The following YPEL2 variants were observed in gnomAD, a reference collection of about 807,000 sequenced individuals.
YPEL2 encodes the protein protein yippee-like 2.
Under a neutral mutation model 19.1 loss-of-function variants are expected in YPEL2, and 2 were observed. The observed-to-expected ratio is 0.10, with a 90% CI of 0.04 to 0.33. The LOEUF (loss-of-function observed/expected upper bound fraction) is 0.33, where lower values mean the gene tolerates loss of function less well. Ranked by LOEUF, YPEL2 falls within the 10% of genes least tolerant of loss-of-function variation. The pLI is 1.00. For missense variants in YPEL2, 66 were observed against 140.7 expected (o/e 0.47, Z 2.68); for synonymous variants, 52 against 50.0 (o/e 1.04, Z -0.17).
At chr17:59,396,451 G>A (rs898434836) in intron 4 of YPEL2, among the ~76,000 whole-genome samples, 14 of 152,370 alleles carry the variant, frequency 9.2e-5, no homozygotes, top group Middle Eastern at 3.4e-3. Flanking sequence ...GGTTGGGGCA[G>A]AAGGGAGAAA....
intron 2 of YPEL2, chr17:59,356,024 C>T (rs2047811100): frequency 1.3e-5 from 2 of 152,194 alleles, no homozygotes; most frequent in Admixed American, 6.5e-5. Context: ...GATTCTTATG[C>T]AGGTCTGCCT....
intron 1 of YPEL2, among the ~76,000 whole-genome samples, chr17:59,340,896 G>C (rs183213245): frequency 6.6e-6 from 1 of 150,524 alleles, no homozygotes; most frequent in Non-Finnish European, 1.5e-5. Flanking sequence ...TGTATTTTTA[G>C]TAGAGACGGG....
rs1370842797 is a variant in YPEL2 at position 59,400,861 on chromosome 17, T to G, written c.*3671T>G. On this transcript the variant is annotated 3_prime_UTR_variant, in exon 5 of 5. Coordinates refer to ENST00000312655, the MANE Select transcript of YPEL2 (RefSeq NM_001005404.4). The stretch of plus-strand genomic sequence containing the variant: ...AAGTTTTTCTTCTCTTTCTCTCTGG[T>G]TGTTTCTGTTTCTGAGTGGACCAAC... 6.6e-6 allele frequency: 1 copy of G among 152,670 alleles called. No homozygotes were observed. The highest frequency in any genetic ancestry group is 1.9e-4 in the East Asian group (1 of 5,200). 9.5% of individuals were successfully genotyped at this position (152,670 alleles called of 1,614,324 possible).
chr17:59,354,366 T>TA, intron 2 of YPEL2: 1 of 151,728 alleles, frequency 6.6e-6, no homozygotes, highest in African/African-American at 2.4e-5. Flanking sequence ...TTCACGCCAT[T>TA]AAAGTAAAAA....
chr17:59,343,137 C>G (rs1044427939), intron 1 of YPEL2, among the ~76,000 whole-genome samples: 3 of 152,176 alleles, frequency 2.0e-5, no homozygotes, highest in Non-Finnish European at 2.9e-5. Flanking sequence ...CAAGAGTTTA[C>G]TGGCTTTTTA....
At chr17:59,337,242 C>A (rs2047703854) in intron 1 of YPEL2, among the ~76,000 whole-genome samples, 1 of 144,722 alleles carries the variant, frequency 6.9e-6, no homozygotes, top group Non-Finnish European at 1.5e-5. Flanking sequence ...GGCGGGAGTG[C>A]AGTGGTGCAA....
intron 1 of YPEL2, among the ~76,000 whole-genome samples, chr17:59,348,488 C>A (rs1044963267): frequency 6.6e-6 from 1 of 152,186 alleles, no homozygotes; most frequent in Admixed American, 6.5e-5. Context: ...GCCGGGGAGG[C>A]GGCATGGGGT....
intron 2 of YPEL2, among the ~76,000 whole-genome samples, chr17:59,387,206 CCAAGATCGCG>C (rs1250022264): frequency 7.0e-6 from 1 of 142,722 alleles, no homozygotes; most frequent in Non-Finnish European, 1.5e-5. Flanking sequence ...GTGCAGTGAG[CCAAGATCGCG>C]CAACTGCACT....
intron 4 of YPEL2, among the ~76,000 whole-genome samples, chr17:59,396,362 CAG>C (rs1315647277): frequency 2.0e-5 from 3 of 152,120 alleles, no homozygotes; most frequent in African/African-American, 7.2e-5. Context: ...TCATGGGAGA[CAG>C]AGCATAAACA....
chr17:59,366,508 T>G (rs534871486), intron 2 of YPEL2, among the ~76,000 whole-genome samples: 1 of 152,312 alleles, frequency 6.6e-6, no homozygotes, highest in African/African-American at 2.4e-5. Context: ...TGATGGTCCC[T>G]GTCCTCCCCT....
At chr17:59,341,010 C>T (rs149807191) in intron 1 of YPEL2, among the ~76,000 whole-genome samples, 5,999 of 149,852 alleles carry the variant, frequency 0.04, 154 homozygotes, top group Non-Finnish European at 0.047. Context: ...CCACCGCACC[C>T]GGCTGTTTTG....
At chr17:59,394,272 G>A (rs960199453) in intron 4 of YPEL2, among the ~76,000 whole-genome samples, 5 of 151,332 alleles carry the variant, frequency 3.3e-5, no homozygotes, top group Non-Finnish European at 5.9e-5. Flanking sequence ...GCTGCTGGGC[G>A]GAGGGTCTCC....
chr17:59,375,089 C>G (rs2047914145), intron 2 of YPEL2, among the ~76,000 whole-genome samples: 1 of 152,164 alleles, frequency 6.6e-6, no homozygotes, highest in South Asian at 2.1e-4. Context: ...AATGGGCTTC[C>G]TCTGGAGGTA....
intron 2 of YPEL2, among the ~76,000 whole-genome samples, chr17:59,386,583 A>G (rs2047981283): frequency 6.6e-6 from 1 of 152,150 alleles, no homozygotes; most frequent in South Asian, 2.1e-4. Context: ...ATGGGGAGGT[A>G]GCAAGAGAAG....
chr17:59,341,888 C>A (rs1038074693), intron 1 of YPEL2, among the ~76,000 whole-genome samples: 1 of 152,212 alleles, frequency 6.6e-6, no homozygotes, highest in African/African-American at 2.4e-5. Context: ...TCCTCTCCCT[C>A]AGTAAATGGC....
intron 2 of YPEL2, among the ~76,000 whole-genome samples, chr17:59,372,117 C>T (rs1194050494): frequency 6.6e-6 from 1 of 152,160 alleles, no homozygotes; most frequent in African/African-American, 2.4e-5. Flanking sequence ...GTGACAGAAC[C>T]CAGAAACTGG....
At chr17:59,358,551 G>A (rs1212459359) in intron 2 of YPEL2, among the ~76,000 whole-genome samples, 5 of 152,100 alleles carry the variant, frequency 3.3e-5, no homozygotes, top group Admixed American at 1.3e-4. Context: ...TGTCAGGGCA[G>A]GTAGAGTTTC....
chr17:59,350,716 CTT>C (rs1226556281), intron 1 of YPEL2, among the ~76,000 whole-genome samples: 1 of 152,138 alleles, frequency 6.6e-6, no homozygotes, highest in Non-Finnish European at 1.5e-5. Flanking sequence ...TACCTGTAAA[CTT>C]TTTTTGGGGG....
intron 2 of YPEL2, among the ~76,000 whole-genome samples, chr17:59,359,578 A>T (rs2047829939): frequency 6.6e-6 from 1 of 152,362 alleles, no homozygotes; most frequent in South Asian, 2.1e-4. Flanking sequence ...CTATGAACTT[A>T]TCTAATTTGC....
Sources: allele counts gnomAD v4.1 joint callset (sites outside exome capture counted in the v4.1 genomes callset), GRCh38; gene constraint gnomAD v4.1.1; transcripts MANE v1.5; gene names NCBI Gene and HGNC (gene_info 2026-07-23, HGNC 2026-07-21).